GPHN: variants seen among roughly 807,000 people sequenced by gnomAD.
GPHN encodes gephyrin.
GPHN carries 17 observed loss-of-function variants against 95.5 expected under a neutral mutation model. That is an observed-to-expected ratio of 0.18 (90% CI 0.12 to 0.27). GPHN has a LOEUF of 0.27. Ranked by LOEUF, GPHN falls within the 10% of genes least tolerant of loss-of-function variation. GPHN has a pLI of 1.00. For missense variants in GPHN, 660 were observed against 978.1 expected (o/e 0.67, Z 4.34); for synonymous variants, 320 against 322.5 (o/e 0.99, Z 0.08).
the GPHN span, among the ~76,000 whole-genome samples, chr14:67,463,447 G>C: frequency 1.3e-5 from 2 of 152,070 alleles, no homozygotes; most frequent in Non-Finnish European, 2.9e-5. Flanking sequence ...AGACCATCCT[G>C]ACTAACACGA....
the GPHN span, among the ~76,000 whole-genome samples, chr14:67,423,474 G>A: frequency 1.3e-5 from 2 of 152,142 alleles, no homozygotes; most frequent in Non-Finnish European, 2.9e-5. Flanking sequence ...TCTGAAGGGG[G>A]CCAAGAGTGA....
intron 1 of GPHN, among the ~76,000 whole-genome samples, chr14:66,675,869 G>T (rs2066557643): frequency 1.3e-5 from 2 of 151,736 alleles, no homozygotes; most frequent in Non-Finnish European, 1.5e-5. Context: ...TTTTTAGCAG[G>T]TATTGACTGC....
the GPHN span, chr14:67,693,123 C>G: frequency 2.1e-6 from 2 of 957,806 alleles, no homozygotes; most frequent in African/African-American, 3.3e-5. Context: ...CTGCAACTCC[C>G]TGTGTCTTCT....
At chr14:67,087,569 T>G (rs540615274) in intron 11 of GPHN, among the ~76,000 whole-genome samples, 45 of 152,214 alleles carry the variant, frequency 3.0e-4, no homozygotes, top group African/African-American at 9.6e-4. Context: ...TCTGCTAAGT[T>G]CTCCCTTCCA....
the GPHN span, among the ~76,000 whole-genome samples, chr14:67,232,202 TTCTG>T: frequency 2.9e-4 from 44 of 152,184 alleles, no homozygotes; most frequent in African/African-American, 1.0e-3. Context: ...AGCCCATAGT[TTCTG>T]TCTTTGTTGC....
the GPHN span, among the ~76,000 whole-genome samples, chr14:67,590,823 C>T: frequency 6.6e-6 from 1 of 152,198 alleles, no homozygotes; most frequent in Admixed American, 6.5e-5. Context: ...CAAATGATAG[C>T]TTTTTAATCT....
the GPHN span, among the ~76,000 whole-genome samples, chr14:67,516,280 G>T: frequency 1.3e-5 from 2 of 152,164 alleles, no homozygotes; most frequent in Non-Finnish European, 1.5e-5. Flanking sequence ...CCCTCTGGGG[G>T]TGTCCTTTTG....
At chr14:66,780,710 T>G (rs112159755) in intron 3 of GPHN, among the ~76,000 whole-genome samples, 1,870 of 152,280 alleles carry the variant, frequency 0.012, 17 homozygotes, top group Non-Finnish European at 0.018. Context: ...GAGGAATTCA[T>G]CTTGCTTTCA....
At chr14:66,916,319 T>A (rs1315113303) in intron 6 of GPHN, among the ~76,000 whole-genome samples, 1 of 152,098 alleles carries the variant, frequency 6.6e-6, no homozygotes, top group East Asian at 1.9e-4. Context: ...AGAGAAGAAG[T>A]GCATAAGACA....
At chr14:67,709,633 A>G in the GPHN span, among the ~76,000 whole-genome samples, 1 of 152,156 alleles carries the variant, frequency 6.6e-6, no homozygotes, top group African/African-American at 2.4e-5. Flanking sequence ...CTGGGCCTTG[A>G]GGAGTTTAAT....
At position 66,599,224 on chromosome 14, in the gene GPHN, A is replaced by G. The variant is rs80007003; in HGVS notation, c.65-81883A>G. Among the ~76,000 whole-genome samples, 204 of 152,140 alleles carry G rather than the reference A, an allele frequency of 1.3e-3. 1 individual carries two copies. The highest frequency in any genetic ancestry group is 2.2e-3 in the Non-Finnish European group (152 of 67,994). ...AGTTTTTTCCATGGGTAGAGTAGGA[A>G]ACACGCATTTTTGGAGAGAAAAACA... On this transcript the variant is annotated intron_variant, in intron 1 of 22. Coordinates refer to ENST00000478722, the MANE Select transcript of GPHN (RefSeq NM_020806.5).
chr14:67,610,314 A>G, the GPHN span, among the ~76,000 whole-genome samples: 1 of 152,174 alleles, frequency 6.6e-6, no homozygotes, highest in East Asian at 1.9e-4. Context: ...TCTAGTGCAG[A>G]GGCCAAGATA....
intron 8 of GPHN, among the ~76,000 whole-genome samples, chr14:66,929,292 C>T (rs1044747690): frequency 3.3e-5 from 5 of 151,772 alleles, no homozygotes; most frequent in South Asian, 2.1e-4. Context: ...GGACCTCAAG[C>T]GATCCGCCTC....
At chr14:66,546,904 T>C (rs1044715197) in intron 1 of GPHN, among the ~76,000 whole-genome samples, 11 of 152,214 alleles carry the variant, frequency 7.2e-5, no homozygotes, top group African/African-American at 1.9e-4. Flanking sequence ...AATGTGATAA[T>C]GTACTTGTAT....
the GPHN span, among the ~76,000 whole-genome samples, chr14:67,669,072 T>C: frequency 6.6e-6 from 1 of 152,146 alleles, no homozygotes. Flanking sequence ...TATTAACTCA[T>C]TTACTCCTCA....
At chr14:67,574,722 G>T in the GPHN span, among the ~76,000 whole-genome samples, 1 of 152,060 alleles carries the variant, frequency 6.6e-6, no homozygotes, top group South Asian at 2.1e-4. This position sits in a 1 kb window ranked among gnomAD's most constrained non-coding sequence, Gnocchi z 4.2. Context: ...TGTTAATAGT[G>T]GGAGGAAGAG....
chr14:66,903,316 T>G (rs1382649630), intron 5 of GPHN, among the ~76,000 whole-genome samples: 1 of 152,194 alleles, frequency 6.6e-6, no homozygotes, highest in Non-Finnish European at 1.5e-5. Flanking sequence ...TTATATCATT[T>G]TGCTGAATTG....
chr14:67,554,072 C>G, the GPHN span, among the ~76,000 whole-genome samples: 1 of 152,194 alleles, frequency 6.6e-6, no homozygotes, highest in East Asian at 1.9e-4. Context: ...ACTCTCTGTC[C>G]AAGGGAATGT....
At chr14:67,182,302 A>C (rs1467834970), downstream of GPHN, among the ~76,000 whole-genome samples, 1 of 152,208 alleles carries the variant, frequency 6.6e-6, no homozygotes, top group Non-Finnish European at 1.5e-5. Context: ...TACTGTATCC[A>C]CAATGGATCC....
Sources: allele counts gnomAD v4.1 joint callset (sites outside exome capture counted in the v4.1 genomes callset), GRCh38; gene constraint gnomAD v4.1.1; non-coding constraint Gnocchi (gnomAD v3.1); transcripts MANE v1.5; gene names NCBI Gene and HGNC (gene_info 2026-07-23, HGNC 2026-07-21).